Variants in MSI2 observed in about 807,000 individuals in gnomAD.
The protein encoded by MSI2 is RNA-binding protein Musashi homolog 2.
Under a neutral mutation model 45.6 loss-of-function variants are expected in MSI2, and 17 were observed. The observed-to-expected ratio is 0.37, with a 90% CI of 0.26 to 0.56. The LOEUF is 0.56. MSI2 is among the 20% of genes least tolerant of loss of function. The pLI, the probability that MSI2 is intolerant of heterozygous loss-of-function variation, is 0.77. For synonymous variants in MSI2, 156 were observed against 158.2 expected, an observed-to-expected ratio of 0.99 and a Z score of 0.11; for missense variants, 293 against 444.2, an observed-to-expected ratio of 0.66 and a Z score of 3.06.
chr17:57,555,177 C>A (rs905730957), intron 7 of MSI2, among the ~76,000 whole-genome samples: 1 of 152,188 alleles, frequency 6.6e-6, no homozygotes, highest in Non-Finnish European at 1.5e-5. Flanking sequence ...CAGCCCGGGC[C>A]CCATCTCCCA....
intron 5 of MSI2, among the ~76,000 whole-genome samples, chr17:57,311,065 G>C (rs1912362728): frequency 6.6e-6 from 1 of 152,204 alleles, no homozygotes; most frequent in Admixed American, 6.5e-5. Flanking sequence ...TTCCTGTAGT[G>C]CCCAGGACAC....
intron 9 of MSI2, chr17:57,618,139 A>T (rs1035659893): frequency 6.6e-6 from 1 of 151,648 alleles, no homozygotes; most frequent in African/African-American, 2.4e-5. Context: ...CTATGGCCTC[A>T]GCTACCCAGG....
At chr17:57,565,165 C>T (rs1294780757) in intron 7 of MSI2, among the ~76,000 whole-genome samples, 2 of 152,182 alleles carry the variant, frequency 1.3e-5, no homozygotes, top group African/African-American at 2.4e-5. Flanking sequence ...TGTGCCACCC[C>T]ATCTGCATCT....
intron 10 of MSI2, among the ~76,000 whole-genome samples, chr17:57,651,320 T>G (rs1428229879): frequency 1.8e-4 from 27 of 152,068 alleles, no homozygotes. Context: ...CAGTGCCAGC[T>G]TCATCTAGAC....
the MSI2 span, among the ~76,000 whole-genome samples, chr17:57,691,211 CTATCTATCT>C: frequency 8.8e-6 from 1 of 113,086 alleles, no homozygotes; most frequent in Non-Finnish European, 1.9e-5. Flanking sequence ...ATCTATCTAT[CTATCTATCT>C]ATCTATCTAT....
At chr17:57,672,826 C>T (rs900646194) in intron 11 of MSI2, among the ~76,000 whole-genome samples, 1 of 152,218 alleles carries the variant, frequency 6.6e-6, no homozygotes, top group African/African-American at 2.4e-5. Context: ...ATAATACCGC[C>T]TTTTGAATAT....
chr17:57,323,182 C>T (rs982957663), intron 5 of MSI2, among the ~76,000 whole-genome samples: 1 of 152,106 alleles, frequency 6.6e-6, no homozygotes, highest in Non-Finnish European at 1.5e-5. Flanking sequence ...GATTCCCACC[C>T]CCAAGGCATT....
chr17:57,599,884 G>A (rs535120183), intron 8 of MSI2, among the ~76,000 whole-genome samples: 1 of 152,270 alleles, frequency 6.6e-6, no homozygotes, highest in East Asian at 1.9e-4. Flanking sequence ...GGAGCAAAGG[G>A]CTTACTTAGC....
chr17:57,442,828 A>G (rs1344418804), intron 6 of MSI2, among the ~76,000 whole-genome samples: 1 of 152,248 alleles, frequency 6.6e-6, no homozygotes, highest in Non-Finnish European at 1.5e-5. Flanking sequence ...CCTCTGGCAG[A>G]CAGTGCTGGA....
At chr17:57,337,556 G>T (rs992582607) in intron 5 of MSI2, among the ~76,000 whole-genome samples, 1 of 152,232 alleles carries the variant, frequency 6.6e-6, no homozygotes. Context: ...GGTCTCAGGG[G>T]CAGTGAGAAT....
chr17:57,589,471 A>C (rs1904621536), intron 7 of MSI2, among the ~76,000 whole-genome samples: 1 of 152,314 alleles, frequency 6.6e-6, no homozygotes, highest in Non-Finnish European at 1.5e-5. Flanking sequence ...TTCCAAGTTT[A>C]GGGTTGCAGG....
rs533039253 is a variant in MSI2, at chr17:57,642,657, T to TA, written c.728-9441dup. 2.6e-5 allele frequency among the ~76,000 whole-genome samples: 4 copies of TA among 152,314 alleles called. No homozygotes were observed. The South Asian group carries it at 8.3e-4, about 32-fold the overall frequency. On this transcript the variant is annotated intron_variant, in intron 10 of 13. Transcript: ENST00000284073. ...ATAGAGCCCCTTTGCTGTCCACAGCTAGCAACTCTAAGCTCCATGAGGGCA... is the reference window on the plus strand; with the variant it reads ...ATAGAGCCCCTTTGCTGTCCACAGCTAAGCAACTCTAAGCTCCATGAGGGCA...
At chr17:57,563,121 A>AAAAC (rs1555624268) in intron 7 of MSI2, among the ~76,000 whole-genome samples, 104 of 150,058 alleles carry the variant, frequency 6.9e-4, no homozygotes, top group Middle Eastern at 3.4e-3. Context: ...AAAAAAAAAA[A>AAAAC]CAGTGCATAG....
At chr17:57,371,777 G>C (rs1007209472) in intron 5 of MSI2, among the ~76,000 whole-genome samples, 4 of 151,834 alleles carry the variant, frequency 2.6e-5, no homozygotes, top group Admixed American at 6.6e-5. Flanking sequence ...TAACCCCTTA[G>C]CAACATCTCT....
chr17:57,546,787 G>A (rs906228274), intron 7 of MSI2, among the ~76,000 whole-genome samples: 1 of 152,216 alleles, frequency 6.6e-6, no homozygotes, highest in African/African-American at 2.4e-5. Flanking sequence ...AGGTACATCT[G>A]TGCTTGAGGC....
At chr17:57,593,293 C>G (rs1598431100) in intron 7 of MSI2, among the ~76,000 whole-genome samples, 1 of 152,208 alleles carries the variant, frequency 6.6e-6, no homozygotes, top group African/African-American at 2.4e-5. Flanking sequence ...GCTGCCGTAA[C>G]AAATTACCAC....
In MSI2 at chr17:57,598,313, A is replaced by G. The variant is rs566215284; in HGVS notation, c.537+1363A>G. On this transcript the variant is annotated intron_variant, in intron 8 of 13. Coordinates refer to ENST00000284073, the MANE Select transcript of MSI2 (RefSeq NM_138962.4). ...GACATGCATTGTATATTGGTCTGAT[A>G]TGTGTTCACCAACTTTAAATTCAAT... Among the ~76,000 whole-genome samples the G allele has an allele frequency of 2.0e-3, 303 of 152,356 alleles. 1 individual carries two copies. Among genetic ancestry groups the G allele is most frequent in the Middle Eastern group, 0.01 (3 of 294 alleles).
chr17:57,313,551 T>TCA (rs1912586876), intron 5 of MSI2, among the ~76,000 whole-genome samples: 1 of 152,070 alleles, frequency 6.6e-6, no homozygotes, highest in African/African-American at 2.4e-5. Context: ...TAAAGAAAAC[T>TCA]CACACACACC....
At chr17:57,276,272 C>A (rs1244704039) in intron 5 of MSI2, among the ~76,000 whole-genome samples, 1 of 152,194 alleles carries the variant, frequency 6.6e-6, no homozygotes, top group East Asian at 1.9e-4. Flanking sequence ...GATTGCTTTC[C>A]TTGATGATTT....
Sources: allele counts gnomAD v4.1 joint callset (sites outside exome capture counted in the v4.1 genomes callset), GRCh38; gene constraint gnomAD v4.1.1; transcripts MANE v1.5; gene names NCBI Gene and HGNC (gene_info 2026-07-23, HGNC 2026-07-21).